Variants in HSF5 observed in about 807,000 individuals in gnomAD.
The protein encoded by HSF5 is heat shock factor protein 5.
A neutral mutation model predicts 50.8 loss-of-function variants in HSF5; 5 were observed. That is an observed-to-expected ratio of 0.10 (90% CI 0.05 to 0.21). HSF5 has a LOEUF of 0.21. HSF5 is among the 10% of genes least tolerant of loss of function. HSF5 has a pLI of 1.00. For missense variants in HSF5, 564 were observed against 762.6 expected, an observed-to-expected ratio of 0.74 and a Z score of 3.07; for synonymous variants, 307 against 307.4, an observed-to-expected ratio of 1.00 and a Z score of 0.02.
At chr17:58,451,594 A>C (rs1385763396) in intron 5 of HSF5, among the ~76,000 whole-genome samples, 1 of 152,184 alleles carries the variant, frequency 6.6e-6, no homozygotes, top group Non-Finnish European at 1.5e-5. Flanking sequence ...CAACCAATGG[A>C]TCTACGAAGA....
At chr17:58,441,942 G>A (rs1428578140) in intron 5 of HSF5, among the ~76,000 whole-genome samples, 1 of 152,212 alleles carries the variant, frequency 6.6e-6, no homozygotes, top group East Asian at 1.9e-4. Context: ...GGGTATGTGT[G>A]AGTGAGGGGG....
In HSF5 at chr17:58,487,719, A is replaced by C; in HGVS notation, c.550+6T>G. ...GTGGGCGAGGGCACGGGCAGTCCGGACTCACCGTGCGGCTCGGGCCGGGGC... is the reference window on the plus strand; with the variant it reads ...GTGGGCGAGGGCACGGGCAGTCCGGCCTCACCGTGCGGCTCGGGCCGGGGC... On this transcript the variant is annotated splice_donor_region_variant and intron_variant, in intron 1 of 5. Transcript: ENST00000323777. 1 of 1,390,134 alleles carries C rather than the reference A, an allele frequency of 7.2e-7. No individual in the cohort carries two copies. The highest frequency in any genetic ancestry group is 9.2e-7 in the Non-Finnish European group (1 of 1,083,096). The allele number at this position is 1,390,134 out of a possible 1,614,324, so 86.1% of individuals were successfully genotyped here. A position where few individuals can be genotyped will look rare whatever the true frequency, so the allele number is the denominator to read the frequency against.
intron 5 of HSF5, among the ~76,000 whole-genome samples, chr17:58,448,661 G>A (rs888105230): frequency 4.6e-5 from 7 of 152,160 alleles, no homozygotes; most frequent in Admixed American, 3.9e-4. Flanking sequence ...ATGAAGGAGA[G>A]ATAAAGATTT....
chr17:58,445,200 A>C (rs1974543925), intron 5 of HSF5, among the ~76,000 whole-genome samples: 1 of 152,218 alleles, frequency 6.6e-6, no homozygotes, highest in South Asian at 2.1e-4. Flanking sequence ...AACAGTACAG[A>C]GTTTCCTAAA....
chr17:58,447,024 C>T (rs543770539), intron 5 of HSF5, among the ~76,000 whole-genome samples: 8 of 152,140 alleles, frequency 5.3e-5, no homozygotes, highest in Non-Finnish European at 8.8e-5. Context: ...ACTTGGGAGG[C>T]TGAGGCAGGA....
chr17:58,449,203 G>A (rs1009703932), intron 5 of HSF5, among the ~76,000 whole-genome samples: 3 of 152,100 alleles, frequency 2.0e-5, no homozygotes, highest in African/African-American at 7.2e-5. Context: ...ACCCACAAAG[G>A]AAAGCAGTAA....
intron 4 of HSF5, among the ~76,000 whole-genome samples, chr17:58,460,710 C>T (rs1351902970): frequency 1.4e-5 from 2 of 145,078 alleles, no homozygotes; most frequent in South Asian, 2.1e-4. Context: ...AGGGTTTCAC[C>T]GTGTTAACCA....
At chr17:58,426,932 C>T (rs922396519) in intron 5 of HSF5, among the ~76,000 whole-genome samples, 2 of 152,030 alleles carry the variant, frequency 1.3e-5, no homozygotes, top group Non-Finnish European at 2.9e-5. Flanking sequence ...AATTTGGACA[C>T]CTAATCAATT....
At chr17:58,451,641 T>C (rs1567910578) in intron 5 of HSF5, among the ~76,000 whole-genome samples, 1 of 151,972 alleles carries the variant, frequency 6.6e-6, no homozygotes, top group Non-Finnish European at 1.5e-5. Context: ...TTGAGACAAA[T>C]GAAAGTGGAA....
intron 2 of HSF5, among the ~76,000 whole-genome samples, chr17:58,474,955 A>T (rs1239144615): frequency 6.6e-6 from 1 of 152,234 alleles, no homozygotes; most frequent in Admixed American, 6.5e-5. Flanking sequence ...GGAAAAAATT[A>T]GGCCTTAACC....
intron 2 of HSF5, chr17:58,476,876 T>C (rs1016376644): frequency 7.7e-7 from 1 of 1,290,796 alleles, no homozygotes; most frequent in African/African-American, 1.5e-5. Flanking sequence ...CTGTTTTTTT[T>C]TTCCTGAGGT....
In HSF5 at chr17:58,480,031, T is replaced by C. The variant is rs748987940; in HGVS notation, c.787A>G (p.Thr263Ala). 32 of 1,614,052 alleles carry C rather than the reference T, an allele frequency of 2.0e-5. No individual in the cohort carries two copies. The highest frequency in any genetic ancestry group is 1.6e-4 in the Middle Eastern group (1 of 6,062). Residue 263 changes from threonine to alanine, a missense_variant, in exon 2 of 6, where the codon ACT becomes GCT. By Grantham distance (58) the Thr-to-Ala change is moderately conservative. This residue lies in a region of HSF5 where 441 missense variants were observed against 533.6 expected (regional missense o/e 0.83). Coordinates refer to ENST00000323777, the MANE Select transcript of HSF5 (RefSeq NM_001080439.3). ...GGCTGCAGTGTATAGGTAACCTCAG[T>C]TGGAAACCTCTGGAGTACAGGAAAC... ...VPFPVLQRFP[T>A]EVTYTLQPST...
At position 58,487,732 on chromosome 17, in the gene HSF5, C is replaced by A. The variant is rs978154011; in HGVS notation, c.543G>T (p.Glu181Asp). Residue 181 changes from glutamate (E) to aspartate (D), a missense_variant, in exon 1 of 6, where the codon GAG (glutamate) becomes GAT (aspartate). Glu to Asp is a conservative substitution (Grantham distance 45). Coordinates refer to ENST00000323777, the MANE Select transcript of HSF5 (RefSeq NM_001080439.3). ...QPPPPAGPRPEPHGPVAVGQF... is the reference protein window; with the variant it reads ...QPPPPAGPRPDPHGPVAVGQF... ...CGGGCAGTCCGGACTCACCGTGCGG[C>A]TCGGGCCGGGGCCCCGCGGGCGGCG... 26 of 1,381,646 alleles carry A rather than the reference C, an allele frequency of 1.9e-5. No individual in the cohort carries two copies. The highest frequency in any genetic ancestry group is 3.0e-5 in the African/African-American group (2 of 65,824). The allele number at this position is 1,381,646 out of a possible 1,614,324, so 85.6% of individuals were successfully genotyped here. A position where few individuals can be genotyped will look rare whatever the true frequency, so the allele number is the denominator to read the frequency against.
At chr17:58,468,119 G>A (rs959508036) in intron 2 of HSF5, among the ~76,000 whole-genome samples, 1 of 152,100 alleles carries the variant, frequency 6.6e-6, no homozygotes, top group Non-Finnish European at 1.5e-5. Flanking sequence ...ACAATACAGC[G>A]AGGCATGGTG....
At chr17:58,429,842 TA>T (rs60957147) in intron 5 of HSF5, among the ~76,000 whole-genome samples, 2,401 of 133,642 alleles carry the variant, frequency 0.018, 53 homozygotes, top group African/African-American at 0.061. Flanking sequence ...CAAGACTCTG[TA>T]AAAAAAAAAA....
chr17:58,467,974 A>C (rs1387276387), intron 2 of HSF5, among the ~76,000 whole-genome samples: 1 of 152,220 alleles, frequency 6.6e-6, no homozygotes, highest in Non-Finnish European at 1.5e-5. Context: ...CACAGTAGTA[A>C]ATGCTTTACA....
At chr17:58,427,328 A>G (rs1325982125) in intron 5 of HSF5, among the ~76,000 whole-genome samples, 1 of 152,184 alleles carries the variant, frequency 6.6e-6, no homozygotes, top group Non-Finnish European at 1.5e-5. Flanking sequence ...CCCTTCTTAC[A>G]CAGGTTAAAG....
At chr17:58,463,693 A>C (rs941560909) in intron 3 of HSF5, among the ~76,000 whole-genome samples, 1 of 152,242 alleles carries the variant, frequency 6.6e-6, no homozygotes, top group African/African-American at 2.4e-5. Context: ...GAATGCAGTA[A>C]GGAAATTTCA....
chr17:58,474,520 C>T (rs1288783095), intron 2 of HSF5, among the ~76,000 whole-genome samples: 1 of 151,954 alleles, frequency 6.6e-6, no homozygotes, highest in African/African-American at 2.4e-5. Context: ...TGCCTCCTTC[C>T]TAATTCTTAC....
Sources: gnomAD v4.1 joint callset for allele counts (sites outside exome capture counted in the v4.1 genomes callset) on GRCh38, gnomAD v4.1.1 for gene constraint, gnomAD v4.1.1 regional missense constraint, MANE v1.5 for transcripts, NCBI Gene and HGNC (gene_info 2026-07-23, HGNC 2026-07-21) for gene names.